LMO7: variants seen among roughly 807,000 people sequenced by gnomAD.
LMO7 encodes LIM domain 7.
A neutral mutation model predicts 206.5 loss-of-function variants in LMO7; 120 were observed. The observed-to-expected ratio is 0.58, with a 90% confidence interval of 0.50 to 0.68. The LOEUF is 0.68. Ranked by LOEUF, LMO7 falls within the 30% of genes least tolerant of loss-of-function variation. LMO7 has a pLI of 0.00. For synonymous variants in LMO7, 706 were observed against 681.5 expected, an observed-to-expected ratio of 1.04 and a Z score of -0.56; for missense variants, 1,959 against 1,957.9, an observed-to-expected ratio of 1.00 and a Z score of -0.01.
rs570513211 is a variant in LMO7 at position 75,647,951 on chromosome 13, C to CTTTTT, written c.69+11239_69+11243dup. ...GATTTTCTCTTGTTTTCTTTTCTTT[C>CTTTTT]TTTTTTTTTTTTTTTTTTGAGACAG... is the stretch of plus-strand genomic sequence containing the variant. On this transcript the variant is annotated intron_variant, in intron 1 of 30. Transcript: ENST00000377534. Among the ~76,000 whole-genome samples the CTTTTT allele has an allele frequency of 1.4e-3, 127 of 91,140 alleles. 5 individuals are homozygous for CTTTTT. The highest frequency in any genetic ancestry group is 4.1e-3 in the African/African-American group (101 of 24,680). The allele number at this position is 91,140 out of a possible 152,430, so 59.8% of individuals were successfully genotyped here.
At position 75,776,150 on chromosome 13, in the gene LMO7, G is replaced by GTATATATATCGGATATATATATATATA. The variant is rs1566433309; in HGVS notation, c.317+15122_317+15148dup. On this transcript the variant is annotated intron_variant, in intron 4 of 30. Transcript: ENST00000377534. ...ACATATATATATATATATATGCCAT[G>GTATATATATCGGATATATATATATATA]TATATATATCGGATATATATATATA... Among the ~76,000 whole-genome samples, 145 of 45,484 alleles carry GTATATATATCGGATATATATATATATA rather than the reference G, an allele frequency of 3.2e-3. 7 individuals carry two copies. The highest frequency in any genetic ancestry group is 5.8e-3 in the Non-Finnish European group (119 of 20,468). The allele number at this position is 45,484 out of a possible 152,430, so 29.8% of individuals were successfully genotyped here.
rs1260774924 is a variant in LMO7, at chr13:75,856,507, G to A, written c.4772G>A (p.Cys1591Tyr). ...TGTTCTTTTTTTTTTGTTCCCCAGTGTGTTGCCTGTGAGTGTGACCTCGGA... is the reference window on the plus strand; with the variant it reads ...TGTTCTTTTTTTTTTGTTCCCCAGTATGTTGCCTGTGAGTGTGACCTCGGA... ...GLCYHLHCFK[C>Y]VACECDLGGS... The change falls in exon 30 of 31, where the codon TGT (cysteine) becomes TAT (tyrosine). Residue 1591 changes from cysteine (C) to tyrosine (Y), a missense_variant and splice_region_variant. Transcript: ENST00000377534. The A allele has an allele frequency of 6.3e-7, 1 of 1,592,388 alleles. No homozygotes were observed. Among genetic ancestry groups the A allele is most frequent in the Non-Finnish European group, 8.6e-7 (1 of 1,162,136 alleles).
At chr13:75,796,583 A>C (rs2054039548) in intron 5 of LMO7, 53 bp from the exon 6 acceptor site, 1 of 1,029,646 alleles carries the variant, frequency 9.7e-7, no homozygotes, top group African/African-American at 1.6e-5. Flanking sequence ...TTGAGCTTGC[A>C]ATTGGTTGCT....
At chr13:75,818,097 AT>A (rs1276978287) in intron 12 of LMO7, among the ~76,000 whole-genome samples, 1 of 152,196 alleles carries the variant, frequency 6.6e-6, no homozygotes, top group African/African-American at 2.4e-5. Context: ...ACCCTTCTAA[AT>A]TCCAGTGCCT....
chr13:75,621,182 G>A (rs965110088), exon 1 of LMO7: 4 of 152,178 alleles, frequency 2.6e-5, no homozygotes, highest in East Asian at 1.9e-4. Context: ...AGTGAAAGTA[G>A]TCTCAAAGAT....
Position 75,775,849 on chromosome 13 carries a change from C to T in LMO7, c.317+14811C>T, listed in dbSNP as rs562486082. Among the ~76,000 whole-genome samples, 17 of 151,782 alleles carry T rather than the reference C, an allele frequency of 1.1e-4. No homozygotes were observed. In the South Asian group the frequency reaches 2.3e-3, roughly 20 times the overall value. On this transcript the variant is annotated intron_variant, in intron 4 of 30. Coordinates refer to ENST00000377534, the MANE Select transcript of LMO7 (RefSeq NM_001306080.2). ...AGATGCAGATAGAAGGGAATGCTGACACGATGCTGTTGGTGGGAATGTAAA... is the reference window on the plus strand; with the variant it reads ...AGATGCAGATAGAAGGGAATGCTGATACGATGCTGTTGGTGGGAATGTAAA...
chr13:75,856,466 G>C, intron 29 of LMO7, 40 bp from the exon 30 acceptor site: 1 of 1,280,990 alleles, frequency 7.8e-7, no homozygotes, highest in Non-Finnish European at 1.1e-6. Context: ...GCTTTCTTGA[G>C]CTGACTGATT....
At chr13:75,735,611 G>A (rs892091958) in intron 3 of LMO7, among the ~76,000 whole-genome samples, 3 of 151,376 alleles carry the variant, frequency 2.0e-5, no homozygotes, top group African/African-American at 4.9e-5. Flanking sequence ...ACAGGCGCGC[G>A]GCACCACACG....
At chr13:75,799,746 A>G (rs1002767349) in intron 6 of LMO7, among the ~76,000 whole-genome samples, 2 of 152,168 alleles carry the variant, frequency 1.3e-5, no homozygotes, top group Admixed American at 6.5e-5. Context: ...AATTATCTTC[A>G]CCATATTAAA....
chr13:75,823,561 T>G lies in LMO7; in HGVS notation c.2641-4T>G. ...CAAGTTTAAAATGATGTTTTCTTAT[T>G]TAGATGGATGATGCTTGGAAGTATA... On this transcript the variant is annotated splice_polypyrimidine_tract_variant and splice_region_variant and intron_variant, in intron 14 of 30. Transcript: ENST00000377534. 1.3e-6 allele frequency: 2 copies of G among 1,588,522 alleles called. No homozygotes were observed. The highest frequency in any genetic ancestry group is 1.7e-6 in the Non-Finnish European group (2 of 1,160,020).
At chr13:75,708,251 C>T (rs770798246) in intron 1 of LMO7, among the ~76,000 whole-genome samples, 4 of 152,194 alleles carry the variant, frequency 2.6e-5, no homozygotes, top group Non-Finnish European at 5.9e-5. Context: ...CTTAAGATCA[C>T]ACAGTTATTA....
intron 20 of LMO7, among the ~76,000 whole-genome samples, chr13:75,839,502 A>T (rs967410450): frequency 1.3e-5 from 2 of 152,230 alleles, no homozygotes; most frequent in Non-Finnish European, 2.9e-5. Flanking sequence ...GAATAAAAAG[A>T]ATAAGACTGT....
At chr13:75,684,902 C>G (rs955627780) in intron 1 of LMO7, among the ~76,000 whole-genome samples, 7 of 152,098 alleles carry the variant, frequency 4.6e-5, no homozygotes, top group African/African-American at 1.7e-4. Flanking sequence ...GGCAAGAGCC[C>G]TAATTTTCTC....
intron 3 of LMO7, among the ~76,000 whole-genome samples, chr13:75,739,662 C>T (rs942862447): frequency 1.4e-4 from 21 of 152,240 alleles, no homozygotes; most frequent in African/African-American, 4.3e-4. Flanking sequence ...CACTCTCCCA[C>T]GGCAAAATAG....
chr13:75,822,733 C>A (rs1466629249), intron 14 of LMO7, among the ~76,000 whole-genome samples: 1 of 139,340 alleles, frequency 7.2e-6, no homozygotes, highest in Non-Finnish European at 1.5e-5. Flanking sequence ...ATTACTTCGG[C>A]AGTGTGTTGC....
At chr13:75,670,730 A>G (rs2039488660) in intron 1 of LMO7, among the ~76,000 whole-genome samples, 2 of 152,218 alleles carry the variant, frequency 1.3e-5, no homozygotes, top group Admixed American at 1.3e-4. Context: ...CTAGGACATT[A>G]CTGTACACTG....
At chr13:75,705,817 T>G (rs768784679) in intron 1 of LMO7, among the ~76,000 whole-genome samples, 93 of 151,678 alleles carry the variant, frequency 6.1e-4, no homozygotes, top group Non-Finnish European at 9.8e-4. Context: ...AACAACCTAC[T>G]TTCACTATGT....
intron 12 of LMO7, among the ~76,000 whole-genome samples, chr13:75,818,351 A>G (rs774692933): frequency 6.6e-6 from 1 of 152,174 alleles, no homozygotes; most frequent in Non-Finnish European, 1.5e-5. Context: ...TGGGCTTGCA[A>G]GGGGTATAAA....
chr13:75,745,742 G>A (rs998645249), intron 3 of LMO7, among the ~76,000 whole-genome samples: 1 of 152,210 alleles, frequency 6.6e-6, no homozygotes, highest in Non-Finnish European at 1.5e-5. Flanking sequence ...CCTCCTGCTA[G>A]CAAGAGGGAA....
Sources: gnomAD v4.1 joint callset for allele counts (sites outside exome capture counted in the v4.1 genomes callset) on GRCh38, gnomAD v4.1.1 for gene constraint, MANE v1.5 for transcripts, NCBI Gene and HGNC (gene_info 2026-07-23, HGNC 2026-07-21) for gene names.